PDE1A: variants seen among roughly 807,000 people sequenced by gnomAD.
PDE1A encodes phosphodiesterase 1A, also known as dual specificity calcium/calmodulin-dependent 3',5'-cyclic nucleotide phosphodiesterase 1A.
PDE1A carries 35 observed loss-of-function variants against 61.7 expected under a neutral mutation model. The ratio of observed to expected loss-of-function variants is 0.57; its 90% CI spans 0.43 to 0.75. PDE1A has a LOEUF of 0.75. Ranked by LOEUF, PDE1A falls within the 30% of genes least tolerant of loss-of-function variation. The pLI is 0.00. For synonymous variants in PDE1A, 232 were observed against 213.2 expected (o/e 1.09, Z -0.77); for missense variants, 597 against 630.6 (o/e 0.95, Z 0.57).
At chr2:182,231,199 G>A in intron 4 of PDE1A, 68 bp from the exon 5 acceptor site, 2 of 823,836 alleles carry the variant, frequency 2.4e-6, no homozygotes, top group Non-Finnish European at 4.0e-6. Flanking sequence ...TTATTCAAAA[G>A]ATAAGGCATT....
chr2:182,429,768 A>G (rs1318666137), upstream of PDE1A, among the ~76,000 whole-genome samples: 3 of 152,122 alleles, frequency 2.0e-5, no homozygotes, highest in Admixed American at 2.0e-4. Context: ...AGAAAAGGTA[A>G]GCTTTTCTTT....
intron 1 of PDE1A, among the ~76,000 whole-genome samples, chr2:182,356,552 C>A (rs975076197): frequency 1.3e-5 from 2 of 152,000 alleles, no homozygotes; most frequent in Non-Finnish European, 2.9e-5. Flanking sequence ...GAGTTCAAAA[C>A]CAGCCTGGGC....
At chr2:182,704,902 C>A in the PDE1A span, among the ~76,000 whole-genome samples, 1 of 152,262 alleles carries the variant, frequency 6.6e-6, no homozygotes, top group African/African-American at 2.4e-5. Context: ...GGGTCCCCAA[C>A]AGTCCCTAGA....
chr2:182,235,885 T>C lies in PDE1A; in HGVS notation c.351-1387A>G, dbSNP rs563320967. On this transcript the variant is annotated intron_variant, in intron 3 of 13. Transcript: ENST00000351439. ...ACTAAATTTTTTGATTCAATGTTCC[T>C]TATGTTAAAAATGCATGGGACATAT... Among the ~76,000 whole-genome samples, 33 of 152,328 alleles carry C rather than the reference T, an allele frequency of 2.2e-4. No homozygotes were observed. The South Asian group carries it at 4.6e-3, about 21-fold the overall frequency.
chr2:182,614,187 A>G, the PDE1A span, among the ~76,000 whole-genome samples: 1 of 152,250 alleles, frequency 6.6e-6, no homozygotes, highest in Non-Finnish European at 1.5e-5. Flanking sequence ...TTTAGAACTA[A>G]TAACTTAGTC....
intron 1 of PDE1A, among the ~76,000 whole-genome samples, chr2:182,274,588 T>A (rs976044935): frequency 6.6e-6 from 1 of 152,230 alleles, no homozygotes; most frequent in East Asian, 1.9e-4. Flanking sequence ...AGCAATCAAA[T>A]CGAGTCCAAA....
intron 1 of PDE1A, among the ~76,000 whole-genome samples, chr2:182,336,559 G>A (rs1697828060): frequency 6.6e-6 from 1 of 152,094 alleles, no homozygotes; most frequent in African/African-American, 2.4e-5. Flanking sequence ...ATAAGTGGGA[G>A]TTGAACAATG....
chr2:182,333,895 G>A (rs1205511326), intron 1 of PDE1A, among the ~76,000 whole-genome samples: 3 of 151,874 alleles, frequency 2.0e-5, no homozygotes, highest in African/African-American at 7.3e-5. Context: ...TTATAAAGGG[G>A]ATATCATCAC....
the PDE1A span, among the ~76,000 whole-genome samples, chr2:182,568,951 A>G: frequency 1.3e-5 from 2 of 152,018 alleles, no homozygotes; most frequent in African/African-American, 4.8e-5. Flanking sequence ...TAATAATAAT[A>G]ATATTCATCT....
the PDE1A span, among the ~76,000 whole-genome samples, chr2:182,568,449 C>A: frequency 1.3e-5 from 2 of 152,078 alleles, no homozygotes; most frequent in African/African-American, 4.8e-5. Flanking sequence ...GAGGCCAAGG[C>A]GGGCAGATCA....
chr2:182,345,596 T>C (rs1698472322), intron 1 of PDE1A, among the ~76,000 whole-genome samples: 1 of 152,128 alleles, frequency 6.6e-6, no homozygotes, highest in Non-Finnish European at 1.5e-5. Flanking sequence ...CTCCTCTTAA[T>C]CACACTTTCT....
chr2:182,350,540 A>G (rs1698812061), intron 1 of PDE1A, among the ~76,000 whole-genome samples: 1 of 152,214 alleles, frequency 6.6e-6, no homozygotes, highest in Admixed American at 6.5e-5. Context: ...CCTTTTTAAA[A>G]AGCAGGAAAA....
At chr2:182,200,393 G>A (rs187120459) in intron 10 of PDE1A, among the ~76,000 whole-genome samples, 32 of 152,226 alleles carry the variant, frequency 2.1e-4, no homozygotes, top group South Asian at 4.1e-4. Context: ...GAGTTCAATC[G>A]CATGTCCAAT....
chr2:182,271,083 G>A (rs537909961), intron 1 of PDE1A, among the ~76,000 whole-genome samples: 17 of 151,016 alleles, frequency 1.1e-4, no homozygotes, highest in Non-Finnish European at 1.9e-4. Context: ...GAAAACAAAC[G>A]GGATCAATGG....
intron 2 of PDE1A, among the ~76,000 whole-genome samples, chr2:182,246,405 C>CTTTTT (rs869291397): frequency 1.3e-5 from 1 of 78,864 alleles, no homozygotes; most frequent in Non-Finnish European, 2.2e-5. Context: ...TTTTTTCTTT[C>CTTTTT]TTTTTTTTTT....
At chr2:182,236,395 A>C (rs576125842) in intron 3 of PDE1A, among the ~76,000 whole-genome samples, 178 of 150,464 alleles carry the variant, frequency 1.2e-3, no homozygotes, top group African/African-American at 4.2e-3. Context: ...AGTCATTACT[A>C]TTAATACTAA....
At chr2:182,250,237 T>C (rs771402615) in intron 2 of PDE1A, among the ~76,000 whole-genome samples, 1 of 152,252 alleles carries the variant, frequency 6.6e-6, no homozygotes, top group Non-Finnish European at 1.5e-5. Flanking sequence ...GAGTTTGATC[T>C]GTCTTGATCT....
chr2:182,454,939 A>G (rs9753060), intron 2 of PDE1A, among the ~76,000 whole-genome samples: 2 of 145,524 alleles, frequency 1.4e-5, no homozygotes, highest in African/African-American at 4.9e-5. Context: ...TTCTGCACAA[A>G]AAAAGAAACT....
chr2:182,478,426 C>T (rs1034545723), intron 2 of PDE1A, among the ~76,000 whole-genome samples: 2 of 151,822 alleles, frequency 1.3e-5, no homozygotes, highest in Admixed American at 6.6e-5. Flanking sequence ...CAATGTCCAG[C>T]CTCAGTAGGA....
Sources: allele counts gnomAD v4.1 joint callset (sites outside exome capture counted in the v4.1 genomes callset), GRCh38; gene constraint gnomAD v4.1.1; transcripts MANE v1.5; gene names NCBI Gene and HGNC (gene_info 2026-07-23, HGNC 2026-07-21).